The following PAPPA2 variants were observed in gnomAD, a reference collection of about 807,000 sequenced individuals.
PAPPA2 encodes pappalysin-2.
Under a neutral mutation model 176.4 loss-of-function variants are expected in PAPPA2, and 86 were observed. The observed-to-expected ratio is 0.49, with a 90% CI of 0.41 to 0.58. PAPPA2 has a LOEUF of 0.58. PAPPA2 is among the 20% of genes least tolerant of loss of function. PAPPA2 has a pLI of 0.00. For missense variants in PAPPA2, 2,073 were observed against 2,256.9 expected, an observed-to-expected ratio of 0.92 and a Z score of 1.65; for synonymous variants, 809 against 852.2, an observed-to-expected ratio of 0.95 and a Z score of 0.88.
chr1:176,686,172 C>A (rs556069503), intron 4 of PAPPA2, among the ~76,000 whole-genome samples: 4 of 152,086 alleles, frequency 2.6e-5, no homozygotes, highest in Admixed American at 6.5e-5. Flanking sequence ...TCCGTTCTCA[C>A]GCTGCTTTGA....
intron 3 of PAPPA2, among the ~76,000 whole-genome samples, chr1:176,596,032 G>A (rs1653959280): frequency 6.6e-6 from 1 of 152,214 alleles, no homozygotes; most frequent in Non-Finnish European, 1.5e-5. Flanking sequence ...AAGTAATACA[G>A]ATCTGTGAAA....
chr1:176,594,750 C>T lies in PAPPA2; in HGVS notation c.1146C>T (p.Gly382=). ...DGRHMALYVD[G]TQVASSLDQS... ...GGCACATGGCCCTGTATGTGGATGGCACTCAGGTGGCTAGCAGTCTAGACC... is the reference window on the plus strand; with the variant it reads ...GGCACATGGCCCTGTATGTGGATGGTACTCAGGTGGCTAGCAGTCTAGACC... The change falls in exon 3 of 23, where the codon GGC becomes GGT. Residue 382 remains glycine, a synonymous_variant. Coordinates refer to ENST00000367662, the MANE Select transcript of PAPPA2 (RefSeq NM_020318.3). The T allele has an allele frequency of 6.2e-7, 1 of 1,614,230 alleles. No homozygotes were observed. Among genetic ancestry groups the T allele is most frequent in the Non-Finnish European group, 8.5e-7 (1 of 1,180,030 alleles).
intron 4 of PAPPA2, among the ~76,000 whole-genome samples, chr1:176,678,960 C>A (rs1659447253): frequency 6.6e-6 from 1 of 151,618 alleles, no homozygotes; most frequent in African/African-American, 2.4e-5. Context: ...ATTGTGAGCA[C>A]AAGGAAAGAA....
At chr1:176,750,936 A>G (rs997067066) in intron 14 of PAPPA2, among the ~76,000 whole-genome samples, 4 of 152,124 alleles carry the variant, frequency 2.6e-5, no homozygotes, top group Non-Finnish European at 4.4e-5. Flanking sequence ...CCTGAATGGT[A>G]ATGCCTAGGT....
rs1227157991 is a variant in PAPPA2, at chr1:176,840,205, C to A, written c.5235C>A (p.Ile1745=). 8 of 1,613,332 alleles carry A rather than the reference C, an allele frequency of 5.0e-6. No homozygotes were observed. Among genetic ancestry groups the A allele is most frequent in the Non-Finnish European group, 6.8e-6 (8 of 1,179,634 alleles). ...AAGCAGATGGTTGGTGTGACACTAT[C>A]AACAACCGAGCCTACTGCCACTATG... ...PFQADGWCDT[I]NNRAYCHYDG... Residue 1745 remains isoleucine, a synonymous_variant, in exon 22 of 23, where the codon ATC becomes ATA. Coordinates refer to ENST00000367662, the MANE Select transcript of PAPPA2 (RefSeq NM_020318.3).
At chr1:176,479,801 G>A (rs541837319) in intron 1 of PAPPA2, among the ~76,000 whole-genome samples, 145 of 152,310 alleles carry the variant, frequency 9.5e-4, no homozygotes, top group African/African-American at 3.4e-3. Flanking sequence ...AAGCACTGCA[G>A]TCAGGAAGCC....
chr1:176,502,970 A>T (rs1271952467), intron 1 of PAPPA2, among the ~76,000 whole-genome samples: 2 of 152,182 alleles, frequency 1.3e-5, no homozygotes, highest in Non-Finnish European at 1.5e-5. Context: ...GTATTACTTG[A>T]CTATTGCTGC....
intron 9 of PAPPA2, among the ~76,000 whole-genome samples, chr1:176,705,196 A>T (rs1464706048): frequency 1.3e-5 from 2 of 152,298 alleles, no homozygotes; most frequent in East Asian, 1.9e-4. Context: ...GTCTCTTTTC[A>T]TTGAACCACA....
chr1:176,486,939 TAA>T (rs569800107), intron 1 of PAPPA2, among the ~76,000 whole-genome samples: 1 of 141,120 alleles, frequency 7.1e-6, no homozygotes, highest in African/African-American at 2.6e-5. Context: ...TGGGTGGATT[TAA>T]AAAAAAAAAG....
At chr1:176,722,300 G>T (rs1661657918) in intron 12 of PAPPA2, among the ~76,000 whole-genome samples, 1 of 151,110 alleles carries the variant, frequency 6.6e-6, no homozygotes, top group Non-Finnish European at 1.5e-5. Flanking sequence ...TAGAGGCTCT[G>T]GCTAATATCT....
At chr1:176,683,347 C>T (rs958182726) in intron 4 of PAPPA2, among the ~76,000 whole-genome samples, 1 of 152,144 alleles carries the variant, frequency 6.6e-6, no homozygotes, top group Non-Finnish European at 1.5e-5. Flanking sequence ...CATTAAGGAA[C>T]AGCTGTACCA....
chr1:176,817,043 C>G (rs1274334653), intron 21 of PAPPA2, among the ~76,000 whole-genome samples: 1 of 152,080 alleles, frequency 6.6e-6, no homozygotes, highest in East Asian at 1.9e-4. Context: ...ACCCCATCTC[C>G]TAGGAATCCC....
At chr1:176,615,203 G>A (rs1655134758) in intron 3 of PAPPA2, among the ~76,000 whole-genome samples, 1 of 152,200 alleles carries the variant, frequency 6.6e-6, no homozygotes. Context: ...GGCCCTCCCT[G>A]TTAAGCTGCA....
chr1:176,625,051 G>A (rs531280590), intron 3 of PAPPA2, among the ~76,000 whole-genome samples: 1 of 152,330 alleles, frequency 6.6e-6, no homozygotes, highest in Non-Finnish European at 1.5e-5. Context: ...TCAAAGGACT[G>A]TTGTCTGTAG....
intron 21 of PAPPA2, among the ~76,000 whole-genome samples, chr1:176,832,556 T>A: frequency 6.6e-6 from 1 of 152,142 alleles, no homozygotes; most frequent in Admixed American, 6.5e-5. Context: ...TTTCTTCATG[T>A]TGGCTAGGCT....
rs577486344 is a variant in PAPPA2 at position 176,642,289 on chromosome 1, C to T, written c.1992-28681C>T. 7.9e-5 allele frequency among the ~76,000 whole-genome samples: 12 copies of T among 151,972 alleles called. No homozygotes were observed. The South Asian group carries it at 2.5e-3, about 31-fold the overall frequency. On this transcript the variant is annotated intron_variant, in intron 3 of 22. Coordinates refer to ENST00000367662, the MANE Select transcript of PAPPA2 (RefSeq NM_020318.3). Reference sequence around the variant, plus strand: ...AATAATTGCAAAGGATACTTGATTGCATATTTGCTATAATTGCATATAATT... The same window carrying T: ...AATAATTGCAAAGGATACTTGATTGTATATTTGCTATAATTGCATATAATT...
chr1:176,513,791 A>C (rs1277501499), intron 1 of PAPPA2, among the ~76,000 whole-genome samples: 1 of 152,204 alleles, frequency 6.6e-6, no homozygotes, highest in Non-Finnish European at 1.5e-5. Context: ...TCTGTTAGAT[A>C]GCAGTTTGAA....
chr1:176,503,047 G>A (rs988104375), intron 1 of PAPPA2, among the ~76,000 whole-genome samples: 1 of 152,132 alleles, frequency 6.6e-6, no homozygotes, highest in Non-Finnish European at 1.5e-5. Context: ...AATTCTGCAG[G>A]TTAGAAGTTT....
intron 4 of PAPPA2, 21 bp from the exon 5 acceptor site, chr1:176,690,116 T>C (rs748149854): frequency 6.3e-7 from 1 of 1,580,636 alleles, no homozygotes; most frequent in Non-Finnish European, 8.6e-7. Context: ...TCTGAAAGGC[T>C]TTTCAAAACT....
Sources: gnomAD v4.1 joint callset for allele counts (sites outside exome capture counted in the v4.1 genomes callset) on GRCh38, gnomAD v4.1.1 for gene constraint, MANE v1.5 for transcripts, NCBI Gene and HGNC (gene_info 2026-07-23, HGNC 2026-07-21) for gene names.